OPRPN: variants seen among roughly 807,000 people sequenced by gnomAD.
The protein encoded by OPRPN is opiorphin prepropeptide, also known as basic proline-rich lacrimal protein.
Under a neutral mutation model 2.2 loss-of-function variants are expected in OPRPN, and 1 was observed. The observed-to-expected ratio is 0.45, with a 90% CI of 0.16 to 2.15. OPRPN has a LOEUF of 2.15. OPRPN is among the 30% of genes most tolerant of loss of function. The probability of loss-of-function intolerance (pLI) is 0.28; values close to 1 mark genes in which losing one functional copy is unlikely to be tolerated. For missense variants in OPRPN, 306 were observed against 297.3 expected, an observed-to-expected ratio of 1.03 and a Z score of -0.21; for synonymous variants, 126 against 111.5, an observed-to-expected ratio of 1.13 and a Z score of -0.82.
rs1312853995 is a variant in OPRPN, at chr4:70,409,536, G to C, written c.208G>C (p.Val70Leu). 6.2e-7 allele frequency: 1 copy of C among 1,613,878 alleles called. No homozygotes were observed. The highest frequency in any genetic ancestry group is 1.7e-5 in the Admixed American group (1 of 59,978). The change falls in exon 3 of 3, where the codon GTT (valine) becomes CTT (leucine). Residue 70 changes from valine (V) to leucine (L), a missense_variant. Coordinates refer to ENST00000399575, the MANE Select transcript of OPRPN (RefSeq NM_021225.5). ...PLSLPFVPGR[V>L]PPSSFSRFSQ... ...TTCTCTTCCCTTTGTCCCAGGGCGA[G>C]TTCCACCATCTTCTTTCTCTCGATT...
At chr4:70,401,788 G>C (rs4415022) in intron 2 of OPRPN, among the ~76,000 whole-genome samples, 1 of 151,916 alleles carries the variant, frequency 6.6e-6, no homozygotes, top group Non-Finnish European at 1.5e-5. Context: ...GTATCTCATG[G>C]TGGACAAGGA....
chr4:70,409,869 C>A lies in OPRPN; in HGVS notation c.541C>A (p.Pro181Thr). 6.2e-7 allele frequency: 1 copy of A among 1,613,552 alleles called. No homozygotes were observed. The highest frequency in any genetic ancestry group is 8.5e-7 in the Non-Finnish European group (1 of 1,179,700). ...AATGACGATCAGCTCCTCAACAGTACCTATCTCTTCAACACCAGAGCCTGC... is the reference window on the plus strand; with the variant it reads ...AATGACGATCAGCTCCTCAACAGTAACTATCTCTTCAACACCAGAGCCTGC... Reference protein sequence around the residue: ...PTMTISSSTVPISSTPEPATS... With the variant: ...PTMTISSSTVTISSTPEPATS... The change falls in exon 3 of 3, where the codon CCT becomes ACT. Residue 181 changes from proline to threonine, a missense_variant. Pro to Thr is a conservative substitution (Grantham distance 38). Coordinates refer to ENST00000399575, the MANE Select transcript of OPRPN (RefSeq NM_021225.5).
chr4:70,398,983 G>T (rs2109767217), intron 1 of OPRPN, among the ~76,000 whole-genome samples: 1 of 150,652 alleles, frequency 6.6e-6, no homozygotes, highest in East Asian at 2.0e-4. Context: ...AAGGCAACAA[G>T]GAATTTCCAA....
Position 70,409,851 on chromosome 4 carries a change from A to C in OPRPN, c.523A>C (p.Ile175Leu). ...TSTSTKPTMT[I>L]SSSTVPISST... The stretch of plus-strand genomic sequence containing the variant: ...CACTTCCACAAAACCCACAATGACG[A>C]TCAGCTCCTCAACAGTACCTATCTC... The change falls in exon 3 of 3, where the codon ATC becomes CTC. Residue 175 changes from isoleucine (I) to leucine (L), a missense_variant. Ile to Leu is a conservative substitution (Grantham distance 5). Coordinates refer to ENST00000399575, the MANE Select transcript of OPRPN (RefSeq NM_021225.5). 1 of 1,613,148 alleles carries C rather than the reference A, an allele frequency of 6.2e-7. No homozygotes were observed. The highest frequency in any genetic ancestry group is 8.5e-7 in the Non-Finnish European group (1 of 1,179,508).
chr4:70,398,167 T>C (rs924549003), intron 1 of OPRPN, 127 bp downstream of exon 1: 2 of 147,436 alleles, frequency 1.4e-5, no homozygotes, highest in African/African-American at 5.3e-5. Context: ...ATCTCAGATG[T>C]GTTTTTAAAA....
In OPRPN at chr4:70,410,077, C is replaced by T. The variant is rs536445312; in HGVS notation, c.*2C>T. On this transcript the variant is annotated 3_prime_UTR_variant, in exon 3 of 3. Coordinates refer to ENST00000399575, the MANE Select transcript of OPRPN (RefSeq NM_021225.5). Reference sequence around the variant, plus strand: ...AAACTCTTTGCCATTTTTGGTTGAACATGCAATAAATGATATTTTCCAAAC... The same window carrying T: ...AAACTCTTTGCCATTTTTGGTTGAATATGCAATAAATGATATTTTCCAAAC... 1.3e-6 allele frequency: 2 copies of T among 1,532,798 alleles called. No individual in the cohort carries two copies. 94.9% of individuals were successfully genotyped at this position (1,532,798 alleles called of 1,614,324 possible).
chr4:70,402,750 C>A (rs1355606499), intron 2 of OPRPN, among the ~76,000 whole-genome samples: 1 of 151,726 alleles, frequency 6.6e-6, no homozygotes, highest in Non-Finnish European at 1.5e-5. Context: ...GATTAAAGAC[C>A]TGAAGTGGGT....
At chr4:70,399,034 A>G (rs1363637884) in intron 1 of OPRPN, among the ~76,000 whole-genome samples, 1 of 152,050 alleles carries the variant, frequency 6.6e-6, no homozygotes, top group East Asian at 1.9e-4. Context: ...CAATTATCTG[A>G]AAATTATCTT....
intron 2 of OPRPN, among the ~76,000 whole-genome samples, chr4:70,401,030 G>A (rs1050666341): frequency 2.0e-5 from 3 of 151,896 alleles, no homozygotes; most frequent in Non-Finnish European, 4.4e-5. Flanking sequence ...TTCATACTGA[G>A]GACAGACAAC....
At position 70,399,783 on chromosome 4, in the gene OPRPN, T is replaced by C. The variant is rs1174821132; in HGVS notation, c.51+447T>C. ...AATGCAAGGATTGCTGATTGTACAA[T>C]AGTTTTTTATTGAAAATATTTATAA... On this transcript the variant is annotated intron_variant, in intron 2 of 2. Coordinates refer to ENST00000399575, the MANE Select transcript of OPRPN (RefSeq NM_021225.5). Among the ~76,000 whole-genome samples the C allele has an allele frequency of 2.7e-4, 41 of 152,016 alleles. 1 individual carries two copies. Among genetic ancestry groups the C allele is most frequent in the Admixed American group, 2.6e-3 (40 of 15,228 alleles).
In OPRPN at chr4:70,406,403, G is replaced by A. The variant is rs1442925156; in HGVS notation, c.52-2977G>A. Reference sequence around the variant, plus strand: ...ATCAAAACAAACAATTACTATCACTGTGAAAAAAAGTGATGAAGTTTGCTT... The same window carrying A: ...ATCAAAACAAACAATTACTATCACTATGAAAAAAAGTGATGAAGTTTGCTT... On this transcript the variant is annotated intron_variant, in intron 2 of 2. Coordinates refer to ENST00000399575, the MANE Select transcript of OPRPN (RefSeq NM_021225.5). Among the ~76,000 whole-genome samples the A allele has an allele frequency of 3.3e-5, 5 of 152,072 alleles. No homozygotes were observed. The East Asian group carries it at 9.6e-4, about 29-fold the overall frequency.
chr4:70,409,335 C>T (rs370536397), intron 2 of OPRPN, 45 bp from the exon 3 acceptor site: 3 of 1,473,806 alleles, frequency 2.0e-6, no homozygotes, highest in Non-Finnish European at 2.8e-6. Context: ...TTTAAATGAT[C>T]AAATTTAGAA....
At chr4:70,407,578 A>G (rs1467517049) in intron 2 of OPRPN, among the ~76,000 whole-genome samples, 2 of 152,208 alleles carry the variant, frequency 1.3e-5, no homozygotes, top group African/African-American at 4.8e-5. Context: ...AGAAGTGGAG[A>G]CAGAAAATCT....
In OPRPN at chr4:70,409,919, C is replaced by G. The variant is rs767690096; in HGVS notation, c.591C>G (p.Pro197=). 2 of 1,613,892 alleles carry G rather than the reference C, an allele frequency of 1.2e-6. No homozygotes were observed. The highest frequency in any genetic ancestry group is 8.5e-7 in the Non-Finnish European group (1 of 1,179,940). The change falls in exon 3 of 3, where the codon CCC becomes CCG. Residue 197 remains proline (P), a synonymous_variant. Coordinates refer to ENST00000399575, the MANE Select transcript of OPRPN (RefSeq NM_021225.5). ...CCACCTCCATATCAGCAGCAACCCC[C>G]GCAGCATCTACTGAAAATACTACTC... ...EPATSISAAT[P]AASTENTTQI... is the part of the protein sequence containing the mutation.
chr4:70,399,259 G>A lies in OPRPN; in HGVS notation c.-15-12G>A, dbSNP rs1296302062. The A allele has an allele frequency of 1.3e-6, 2 of 1,580,108 alleles. No individual in the cohort carries two copies. Among genetic ancestry groups the A allele is most frequent in the African/African-American group, 1.4e-5 (1 of 73,920 alleles). ...TTTGGCTAACTGTGGATAATCTTTG[G>A]CCTGTTTGTAGGAGCAACTTTAAAG... On this transcript the variant is annotated splice_polypyrimidine_tract_variant and intron_variant, in intron 1 of 2. Coordinates refer to ENST00000399575, the MANE Select transcript of OPRPN (RefSeq NM_021225.5).
In OPRPN at chr4:70,409,810, C is replaced by A. The variant is rs1350795636; in HGVS notation, c.482C>A (p.Ala161Glu). 2 of 1,612,852 alleles carry A rather than the reference C, an allele frequency of 1.2e-6. No individual in the cohort carries two copies. The highest frequency in any genetic ancestry group is 1.7e-5 in the Admixed American group (1 of 59,908). The stretch of plus-strand genomic sequence containing the variant: ...ATCACCACAAATCCCCCCACCACTG[C>A]AACAGCAACCACCAGCACTTCCACA... ...TTITTNPPTT[A>E]TATTSTSTKP... The change falls in exon 3 of 3, where the codon GCA becomes GAA. Residue 161 changes from alanine to glutamate, a missense_variant. Ala to Glu is a moderately radical substitution (Grantham distance 107). Coordinates refer to ENST00000399575, the MANE Select transcript of OPRPN (RefSeq NM_021225.5).
Position 70,410,044 on chromosome 4 carries a change from T to G in OPRPN, c.716T>G (p.Phe239Cys). ...TILSSPAFKS[F>C]WQKLFAIFG is the part of the protein sequence containing the mutation. Reference sequence around the variant, plus strand: ...TTAAGCAGCCCAGCCTTTAAAAGTTTTTGGCAAAAACTCTTTGCCATTTTT... The same window carrying G: ...TTAAGCAGCCCAGCCTTTAAAAGTTGTTGGCAAAAACTCTTTGCCATTTTT... Residue 239 changes from phenylalanine (F) to cysteine (C), a missense_variant, in exon 3 of 3, where the codon TTT (phenylalanine) becomes TGT (cysteine). Coordinates refer to ENST00000399575, the MANE Select transcript of OPRPN (RefSeq NM_021225.5). The G allele has an allele frequency of 6.4e-7, 1 of 1,563,152 alleles. No homozygotes were observed. The highest frequency in any genetic ancestry group is 8.6e-7 in the Non-Finnish European group (1 of 1,156,796).
rs775162036 is a variant in OPRPN at position 70,409,636 on chromosome 4, C to G, written c.308C>G (p.Pro103Arg). 6.2e-7 allele frequency: 1 copy of G among 1,614,044 alleles called. No individual in the cohort carries two copies. Among genetic ancestry groups the G allele is most frequent in the South Asian group, 1.1e-5 (1 of 91,066 alleles). The change falls in exon 3 of 3, where the codon CCA (proline) becomes CGA (arginine). Residue 103 changes from proline (P) to arginine (R), a missense_variant. Coordinates refer to ENST00000399575, the MANE Select transcript of OPRPN (RefSeq NM_021225.5). ...CAACCTCGACTCTTTCCGGGTTATC[C>G]AAACCTACATTTCCCACTAAGACCT... Reference protein sequence around the residue: ...IRQPRLFPGYPNLHFPLRPYY... With the variant: ...IRQPRLFPGYRNLHFPLRPYY...
intron 2 of OPRPN, among the ~76,000 whole-genome samples, chr4:70,401,241 T>C (rs934111142): frequency 6.6e-6 from 1 of 152,196 alleles, no homozygotes; most frequent in East Asian, 1.9e-4. Context: ...AATTTTCTCA[T>C]GTTAGAATTA....
Sources: gnomAD v4.1 joint callset for allele counts (sites outside exome capture counted in the v4.1 genomes callset) on GRCh38, gnomAD v4.1.1 for gene constraint, MANE v1.5 for transcripts, NCBI Gene and HGNC (gene_info 2026-07-23, HGNC 2026-07-21) for gene names.